COL28A1: variants seen among roughly 807,000 people sequenced by gnomAD.
COL28A1 encodes the protein collagen type XXVIII alpha 1 chain.
COL28A1 carries 161 observed loss-of-function variants against 150.2 expected under a neutral mutation model. The ratio of observed to expected loss-of-function variants is 1.07; its 90% confidence interval spans 0.94 to 1.22. COL28A1 has a LOEUF of 1.22. Ranked by LOEUF, COL28A1 falls within the 50% of genes most tolerant of loss-of-function variation. COL28A1 has a pLI of 0.00. For synonymous variants in COL28A1, 552 were observed against 469.7 expected (o/e 1.18, Z -2.26); for missense variants, 1,617 against 1,388.3 (o/e 1.16, Z -2.62).
chr7:7,407,420 A>C (rs1783548707), intron 27 of COL28A1, among the ~76,000 whole-genome samples: 1 of 152,020 alleles, frequency 6.6e-6, no homozygotes, highest in Non-Finnish European at 1.5e-5. Flanking sequence ...CAAAACACTA[A>C]ATAAAAAGAG....
At chr7:7,435,514 G>A (rs1259375893) in intron 23 of COL28A1, among the ~76,000 whole-genome samples, 3 of 152,144 alleles carry the variant, frequency 2.0e-5, no homozygotes, top group East Asian at 3.9e-4. Flanking sequence ...GGGCAAACTA[G>A]GGCAGCTGTC....
downstream of COL28A1, among the ~76,000 whole-genome samples, chr7:7,354,043 A>T (rs1045462706): frequency 6.0e-5 from 9 of 151,086 alleles, no homozygotes; most frequent in Admixed American, 6.6e-5. Context: ...TTTTTTTTTG[A>T]GATGGGGTCT....
chr7:7,522,580 G>T, intron 4 of COL28A1, among the ~76,000 whole-genome samples: 1 of 151,998 alleles, frequency 6.6e-6, no homozygotes, highest in East Asian at 1.9e-4. Context: ...AGAATGAAAT[G>T]GGAGAAAATT....
intron 30 of COL28A1, among the ~76,000 whole-genome samples, chr7:7,375,851 C>T (rs1453028328): frequency 6.6e-6 from 1 of 152,186 alleles, no homozygotes; most frequent in African/African-American, 2.4e-5. Flanking sequence ...GCAACTTTAA[C>T]ATACCTACGG....
chr7:7,347,596 C>A, the COL28A1 span, among the ~76,000 whole-genome samples: 6 of 152,040 alleles, frequency 3.9e-5, no homozygotes, highest in Non-Finnish European at 8.8e-5. Context: ...TTAGTAAATA[C>A]CACTGGAGCA....
intron 16 of COL28A1, among the ~76,000 whole-genome samples, chr7:7,454,526 A>T (rs1583413617): frequency 6.6e-6 from 1 of 152,316 alleles, no homozygotes; most frequent in South Asian, 2.1e-4. Context: ...AAAGGGGGTA[A>T]GAAAATGAAA....
Position 7,370,710 on chromosome 7 carries a change from G to A in COL28A1, c.3066+15C>T, listed in dbSNP as rs1781183523. The A allele has an allele frequency of 1.3e-6, 2 of 1,597,724 alleles. No homozygotes were observed. Among genetic ancestry groups the A allele is most frequent in the African/African-American group, 1.3e-5 (1 of 74,172 alleles). Reference sequence around the variant, plus strand: ...ACCATTTTAAGCTCACAAAGTAAGTGAGACAGTTACTTACTGACTCAGAAA... The same window carrying A: ...ACCATTTTAAGCTCACAAAGTAAGTAAGACAGTTACTTACTGACTCAGAAA... On this transcript the variant is annotated intron_variant, in intron 33 of 34. Coordinates refer to ENST00000399429, the MANE Select transcript of COL28A1 (RefSeq NM_001037763.3).
At position 7,453,495 on chromosome 7, in the gene COL28A1, G is replaced by C; in HGVS notation, c.1385C>G (p.Pro462Arg). Residue 462 changes from proline to arginine, a missense_variant, in exon 17 of 35, where the codon CCT (proline) becomes CGT (arginine). Coordinates refer to ENST00000399429, the MANE Select transcript of COL28A1 (RefSeq NM_001037763.3). ...CCCTTGTGGACCAGGTGGACCAATA[G>C]GACCTTGGATTCCCTTTAAAATAAA... ...GSQGEQGIQG[P>R]IGPPGPQGPA... 1 of 1,148,702 alleles carries C rather than the reference G, an allele frequency of 8.7e-7. No homozygotes were observed. The highest frequency in any genetic ancestry group is 1.3e-6 in the Non-Finnish European group (1 of 762,622). The allele number at this position is 1,148,702 out of a possible 1,614,324, so 71.2% of individuals were successfully genotyped here.
chr7:7,499,800 C>G (rs1329716621), intron 11 of COL28A1, among the ~76,000 whole-genome samples: 1 of 152,118 alleles, frequency 6.6e-6, no homozygotes, highest in East Asian at 1.9e-4. Flanking sequence ...GTAGGTTGAC[C>G]TAGCTACTAA....
Position 7,373,246 on chromosome 7 carries a change from A to T in COL28A1, c.2660T>A (p.Met887Lys), listed in dbSNP as rs1354910393. 1 of 1,614,054 alleles carries T rather than the reference A, an allele frequency of 6.2e-7. No individual in the cohort carries two copies. Among genetic ancestry groups the T allele is most frequent in the East Asian group, 2.2e-5 (1 of 44,888 alleles). Reference protein sequence around the residue: ...TATALQAANDMFEDARPGVKK... With the variant: ...TATALQAANDKFEDARPGVKK... ...TACACCTGGCCTTGCATCTTCAAACATGTCGTTGGCTGCTTGCAGAGCAGT... is the reference window on the plus strand; with the variant it reads ...TACACCTGGCCTTGCATCTTCAAACTTGTCGTTGGCTGCTTGCAGAGCAGT... The change falls in exon 32 of 35, where the codon ATG (methionine) becomes AAG (lysine). Residue 887 changes from methionine to lysine, a missense_variant. Met to Lys is a moderately conservative substitution (Grantham distance 95). Coordinates refer to ENST00000399429, the MANE Select transcript of COL28A1 (RefSeq NM_001037763.3). This position sits in a 1 kb window ranked among gnomAD's most constrained non-coding sequence, Gnocchi z 4.1.
At chr7:7,447,106 A>T (rs1268462746) in intron 18 of COL28A1, among the ~76,000 whole-genome samples, 1 of 152,218 alleles carries the variant, frequency 6.6e-6, no homozygotes, top group African/African-American at 2.4e-5. Context: ...TTACCTCAAC[A>T]GTGGGAAAAA....
chr7:7,389,657 T>C (rs112733131), intron 27 of COL28A1, among the ~76,000 whole-genome samples: 1 of 152,228 alleles, frequency 6.6e-6, no homozygotes, highest in African/African-American at 2.4e-5. Context: ...TTTGTTTGTG[T>C]CTTCTCTTAT....
intron 31 of COL28A1, among the ~76,000 whole-genome samples, chr7:7,374,158 G>A (rs998943583): frequency 4.0e-5 from 6 of 151,704 alleles, no homozygotes; most frequent in African/African-American, 1.5e-4. Context: ...AGGATGCCCT[G>A]TGGATGCCGT....
At chr7:7,380,924 G>A (rs941494898) in intron 28 of COL28A1, 62 bp from the exon 29 acceptor site, 21 of 1,455,996 alleles carry the variant, frequency 1.4e-5, no homozygotes, top group South Asian at 2.4e-5. Context: ...GATAAGAAAA[G>A]CTCTATAATT....
At chr7:7,390,586 C>T (rs1173742792) in intron 27 of COL28A1, among the ~76,000 whole-genome samples, 1 of 152,080 alleles carries the variant, frequency 6.6e-6, no homozygotes, top group Non-Finnish European at 1.5e-5. Flanking sequence ...CCTCTTTGTA[C>T]CTCTGTTAGA....
chr7:7,341,183 TAGA>T, the COL28A1 span, among the ~76,000 whole-genome samples: 1 of 152,172 alleles, frequency 6.6e-6, no homozygotes, highest in African/African-American at 2.4e-5. Context: ...GTGTATGATG[TAGA>T]AGGAGGATAT....
intron 34 of COL28A1, among the ~76,000 whole-genome samples, chr7:7,359,561 T>C (rs1201988442): frequency 6.6e-6 from 1 of 152,158 alleles, no homozygotes; most frequent in Non-Finnish European, 1.5e-5. Context: ...TATTTCCTAC[T>C]TCAGGAAGTG....
intron 13 of COL28A1, among the ~76,000 whole-genome samples, chr7:7,489,057 C>T (rs1779776029): frequency 6.6e-6 from 1 of 152,056 alleles, no homozygotes; most frequent in Admixed American, 6.6e-5. Flanking sequence ...CACCTCAGCT[C>T]AGGAGTTCGA....
Position 7,373,810 on chromosome 7 carries a change from C to T in COL28A1, c.2360-264G>A, listed in dbSNP as rs1781372122. ...GTCCCCTGGGATTCACGCCATTCTC[C>T]AGCCTCAGCCTCCCGAGTAGCTGGG... On this transcript the variant is annotated intron_variant, in intron 31 of 34. Transcript: ENST00000399429. This position sits in a 1 kb window ranked among gnomAD's most constrained non-coding sequence, Gnocchi z 4.1. Among the ~76,000 whole-genome samples the T allele has an allele frequency of 1.3e-5, 2 of 151,544 alleles. No homozygotes were observed. Among genetic ancestry groups the T allele is most frequent in the African/African-American group, 2.4e-5 (1 of 41,204 alleles).
Sources: gnomAD v4.1 joint callset for allele counts (sites outside exome capture counted in the v4.1 genomes callset) on GRCh38, gnomAD v4.1.1 for gene constraint, Gnocchi (gnomAD v3.1) non-coding constraint, MANE v1.5 for transcripts, NCBI Gene and HGNC (gene_info 2026-07-23, HGNC 2026-07-21) for gene names.